The following KDM6A variants were observed in gnomAD, a reference collection of about 807,000 sequenced individuals.
KDM6A encodes the protein lysine-specific demethylase 6A.
In KDM6A, 11 loss-of-function variants were observed where a neutral mutation model predicts 117.6. The observed-to-expected ratio is 0.09, with a 90% CI of 0.06 to 0.15. KDM6A has a LOEUF of 0.15. KDM6A is among the 10% of genes least tolerant of loss of function. The pLI is 1.00. For missense variants in KDM6A, 799 were observed against 1,077.3 expected (o/e 0.74, Z 3.62); for synonymous variants, 384 against 396.1 (o/e 0.97, Z 0.36).
At chrX:45,016,801 T>G (rs1378562966) in intron 5 of KDM6A, among the ~76,000 whole-genome samples, 1 of 111,597 alleles carries the variant, frequency 9.0e-6, no homozygotes, top group Non-Finnish European at 1.9e-5. Context: ...CCCAGCCAAC[T>G]TAAAGTTTTA....
intron 2 of KDM6A, among the ~76,000 whole-genome samples, chrX:44,922,610 A>G (rs985754494): frequency 1.2e-4 from 13 of 111,399 alleles, no homozygotes; most frequent in African/African-American, 3.9e-4. Flanking sequence ...CTGGGATTAC[A>G]GGTGCCTGCC....
rs1346803360 is a variant in KDM6A at position 45,061,255 on chromosome X, A to C, written c.1486-69A>C. ...AATTCATAGTCATTTGGCCTCCTCTAACCATTATTATTAACTGTGGATTTA... is the reference window on the plus strand; with the variant it reads ...AATTCATAGTCATTTGGCCTCCTCTCACCATTATTATTAACTGTGGATTTA... On this transcript the variant is annotated intron_variant, in intron 14 of 29. Transcript: ENST00000611820. 2.5e-5 allele frequency: 15 copies of C among 604,582 alleles called. No individual in the cohort carries two copies. The Admixed American group carries it at 3.8e-4, about 15-fold the overall frequency. 49.8% of individuals were successfully genotyped at this position (604,582 alleles called of 1,213,427 possible).
At chrX:44,896,057 TCTTTA>T (rs750616333) in intron 2 of KDM6A, among the ~76,000 whole-genome samples, 24 of 109,428 alleles carry the variant, frequency 2.2e-4, no homozygotes, top group Non-Finnish European at 2.8e-4. Context: ...CCTTTTGCCC[TCTTTA>T]CTTTAAAAAT....
chrX:44,994,262 G>T (rs887114611), intron 4 of KDM6A, among the ~76,000 whole-genome samples: 7 of 111,459 alleles, frequency 6.3e-5, no homozygotes, highest in Non-Finnish European at 1.3e-4. Flanking sequence ...CACCCTCCCT[G>T]AGCCTCTGGT....
intron 2 of KDM6A, among the ~76,000 whole-genome samples, chrX:44,894,383 T>C (rs1602084472): frequency 9.0e-6 from 1 of 111,597 alleles, no homozygotes; most frequent in African/African-American, 3.3e-5. Flanking sequence ...GTAGTAGTTA[T>C]AGGACTCTTC....
chrX:45,076,668 A>C (rs754787925), intron 18 of KDM6A, 29 bp from the exon 19 acceptor site: 1 of 1,023,554 alleles, frequency 9.8e-7, no homozygotes, highest in Non-Finnish European at 1.3e-6. Flanking sequence ...TAAATGTACA[A>C]CTGATTATCC....
At chrX:45,108,878 C>G (rs1437062351) in intron 28 of KDM6A, among the ~76,000 whole-genome samples, 2 of 99,342 alleles carry the variant, frequency 2.0e-5, no homozygotes, top group African/African-American at 7.4e-5. Context: ...AACAAAAAAC[C>G]AAACACCGCA....
At chrX:45,024,411 A>G (rs1418334305) in intron 6 of KDM6A, among the ~76,000 whole-genome samples, 1 of 111,057 alleles carries the variant, frequency 9.0e-6, no homozygotes, top group Non-Finnish European at 1.9e-5. Flanking sequence ...TTTTTTCCCT[A>G]TGTTCGTTGG....
At chrX:44,921,635 A>G (rs1169288481) in intron 2 of KDM6A, among the ~76,000 whole-genome samples, 1 of 111,576 alleles carries the variant, frequency 9.0e-6, no homozygotes. Context: ...TACTGTGTAT[A>G]TTAGTAGTCT....
intron 7 of KDM6A, among the ~76,000 whole-genome samples, chrX:45,035,840 C>T (rs2042788060): frequency 9.1e-6 from 1 of 109,620 alleles, no homozygotes; most frequent in African/African-American, 3.3e-5. Flanking sequence ...GCTGGGACTA[C>T]AGGTGCCTGC....
At chrX:45,036,864 T>C (rs1453942816) in intron 7 of KDM6A, among the ~76,000 whole-genome samples, 1 of 112,962 alleles carries the variant, frequency 8.9e-6, no homozygotes, top group Admixed American at 9.3e-5. Context: ...ATCTCAGTTG[T>C]AGATCATTAC....
chrX:44,891,203 A>G (rs987100011), intron 2 of KDM6A, among the ~76,000 whole-genome samples: 2 of 110,844 alleles, frequency 1.8e-5, no homozygotes, highest in African/African-American at 6.6e-5. Context: ...TTTTTATTTT[A>G]TGGATCTTGA....
At position 45,070,042 on chromosome X, in the gene KDM6A, C is replaced by T. The variant is rs1218269593; in HGVS notation, c.2543C>T (p.Thr848Ile). The change falls in exon 18 of 30, where the codon ACC becomes ATC. Residue 848 changes from threonine to isoleucine, a missense_variant. Physicochemically the swap from Thr to Ile is moderately conservative, Grantham distance 89. Coordinates refer to ENST00000611820, the MANE Select transcript of KDM6A (RefSeq NM_001291415.2). ...GCCAATAACAATGTGGGTACTGGAA[C>T]CTGTGACAAAGTCAATAACATCCAC... Reference protein sequence around the residue: ...GKANNNVGTGTCDKVNNIHPA... With the variant: ...GKANNNVGTGICDKVNNIHPA... 4.1e-6 allele frequency: 5 copies of T among 1,211,490 alleles called. No individual in the cohort carries two copies. In the South Asian group the frequency reaches 5.3e-5, roughly 13 times the overall value.
chrX:44,943,730 T>A (rs1402269293), intron 2 of KDM6A, among the ~76,000 whole-genome samples: 1 of 112,282 alleles, frequency 8.9e-6, no homozygotes, highest in Non-Finnish European at 1.9e-5. Context: ...TTTCACTGAT[T>A]ATGAATAAAG....
chrX:44,997,246 G>T (rs1338639602), intron 4 of KDM6A, among the ~76,000 whole-genome samples: 2 of 112,255 alleles, frequency 1.8e-5, no homozygotes, highest in Non-Finnish European at 3.8e-5. Flanking sequence ...TCACATGTGG[G>T]CTTGGAGAAT....
chrX:44,969,411 C>CTTTT (rs11288771), intron 3 of KDM6A, among the ~76,000 whole-genome samples: 7 of 35,974 alleles, frequency 1.9e-4, no homozygotes, highest in South Asian at 2.5e-3. Flanking sequence ...CTCTTTTTAT[C>CTTTT]TTTTTTTTTT....
At chrX:45,080,112 C>T (rs1278723613) in intron 21 of KDM6A, among the ~76,000 whole-genome samples, 1 of 111,162 alleles carries the variant, frequency 9.0e-6, no homozygotes, top group Non-Finnish European at 1.9e-5. Context: ...CTGAAGGGCA[C>T]ATTCACTCCT....
intron 27 of KDM6A, among the ~76,000 whole-genome samples, chrX:45,093,562 T>C (rs774618255): frequency 9.8e-4 from 109 of 110,741 alleles, no homozygotes; most frequent in African/African-American, 3.5e-3. Flanking sequence ...GGGAGTCTTA[T>C]GGAACTAAAG....
At chrX:45,035,040 A>G in intron 7 of KDM6A, 55 bp downstream of exon 7, 1 of 894,696 alleles carries the variant, frequency 1.1e-6, no homozygotes, top group Middle Eastern at 2.7e-4. Context: ...ACTTCATGGC[A>G]AATAACAATA....
Sources: gnomAD v4.1 joint callset for allele counts (sites outside exome capture counted in the v4.1 genomes callset) on GRCh38, gnomAD v4.1.1 for gene constraint, MANE v1.5 for transcripts, NCBI Gene and HGNC (gene_info 2026-07-23, HGNC 2026-07-21) for gene names.